Variants in SLC25A15 observed in about 807,000 individuals in gnomAD.
SLC25A15 encodes mitochondrial ornithine transporter 1.
SLC25A15 carries 24 observed loss-of-function variants against 32.3 expected under a neutral mutation model. The ratio of observed to expected loss-of-function variants is 0.74; its 90% CI spans 0.54 to 1.04. The LOEUF is 1.04. Ranked by LOEUF, SLC25A15 falls within the 50% of genes least tolerant of loss-of-function variation. The pLI, the probability that SLC25A15 is intolerant of heterozygous loss-of-function variation, is 0.00. For synonymous variants in SLC25A15, 132 were observed against 142.1 expected, an observed-to-expected ratio of 0.93 and a Z score of 0.51; for missense variants, 317 against 374.5, an observed-to-expected ratio of 0.85 and a Z score of 1.27.
At chr13:40,803,820 T>C (rs1031089725) in intron 3 of SLC25A15, among the ~76,000 whole-genome samples, 1 of 152,204 alleles carries the variant, frequency 6.6e-6, no homozygotes, top group African/African-American at 2.4e-5. Context: ...GGCAGTTACA[T>C]TGCACATCTG....
Position 40,789,682 on chromosome 13 carries a change from G to A in SLC25A15, c.-70+19G>A, listed in dbSNP as rs1881412304. The stretch of plus-strand genomic sequence containing the variant: ...CGCGGCGGTGAGCGCAGCCCGGTCT[G>A]GCGCCTGCAGCTGCGGGGAGCGCGC... On this transcript the variant is annotated intron_variant, in intron 1 of 6. Transcript: ENST00000338625. The A allele has an allele frequency of 6.6e-6, 1 of 151,430 alleles. No individual in the cohort carries two copies. The highest frequency in any genetic ancestry group is 2.4e-5 in the African/African-American group (1 of 41,348). 9.4% of individuals were successfully genotyped at this position (151,430 alleles called of 1,614,324 possible). A position where few individuals can be genotyped will look rare whatever the true frequency, so the allele number is the denominator to read the frequency against.
intron 1 of SLC25A15, among the ~76,000 whole-genome samples, chr13:40,792,724 C>T (rs1881554716): frequency 6.6e-6 from 1 of 152,218 alleles, no homozygotes; most frequent in Admixed American, 6.5e-5. Flanking sequence ...CCACCCTTGG[C>T]TGCCTGGGTG....
At position 40,810,713 on chromosome 13, in the gene SLC25A15, C is replaced by G. The variant is rs1469266526; in HGVS notation, c.*1046C>G. On this transcript the variant is annotated 3_prime_UTR_variant, in exon 7 of 7. Transcript: ENST00000338625. The stretch of plus-strand genomic sequence containing the variant: ...AGAGGGTCAGGCCTTTGGGAAATAG[C>G]ATGGCCTTTACCAGCTTCCCTTCTC... 2 of 533,212 alleles carry G rather than the reference C, an allele frequency of 3.8e-6. No individual in the cohort carries two copies. The highest frequency in any genetic ancestry group is 3.9e-5 in the African/African-American group (2 of 51,942). 33.0% of individuals were successfully genotyped at this position (533,212 alleles called of 1,614,324 possible).
chr13:40,808,932 CAAAAA>C (rs58015661), intron 6 of SLC25A15, among the ~76,000 whole-genome samples: 2 of 78,850 alleles, frequency 2.5e-5, no homozygotes, highest in East Asian at 3.1e-4. Flanking sequence ...GACTCTGTCT[CAAAAA>C]AAAAAAAAAA....
rs757347762 is a variant in SLC25A15 at position 40,808,495 on chromosome 13, T to C, written c.680T>C (p.Val227Ala). 3 of 1,613,484 alleles carry C rather than the reference T, an allele frequency of 1.9e-6. No homozygotes were observed. In the Admixed American group the frequency reaches 5.0e-5, roughly 27 times the overall value. Residue 227 changes from valine (V) to alanine (A), a missense_variant, in exon 6 of 7, where the codon GTA (valine) becomes GCA (alanine). Physicochemically the swap from Val to Ala is moderately conservative, Grantham distance 64. Transcript: ENST00000338625. ...GGTGGGATTTGCCTCTGGCTTGCGG[T>C]ATACCCAGTGGATTGTATCAAATCC... ...GVGGICLWLA[V>A]YPVDCIKSRI...
chr13:40,798,913 G>T, intron 2 of SLC25A15, 144 bp from the exon 3 acceptor site: 1 of 1,573,026 alleles, frequency 6.4e-7, no homozygotes, highest in Non-Finnish European at 8.6e-7. Flanking sequence ...ATTGTTTACT[G>T]GACATGGCTG....
intron 3 of SLC25A15, among the ~76,000 whole-genome samples, chr13:40,799,987 T>C (rs538543094): frequency 6.6e-6 from 1 of 152,232 alleles, no homozygotes; most frequent in Non-Finnish European, 1.5e-5. Flanking sequence ...CTTGGGTATT[T>C]ATTATATAGA....
chr13:40,807,509 TC>T (rs762064681), intron 5 of SLC25A15, 46 bp downstream of exon 5: 4 of 1,592,602 alleles, frequency 2.5e-6, no homozygotes, highest in Non-Finnish European at 3.4e-6. Flanking sequence ...TGGTGTTTGC[TC>T]CCTGCAGGTA....
intron 1 of SLC25A15, among the ~76,000 whole-genome samples, chr13:40,792,386 A>G (rs1035414494): frequency 1.3e-5 from 2 of 152,202 alleles, no homozygotes; most frequent in Admixed American, 6.5e-5. Flanking sequence ...GTCCAAGGCT[A>G]CTGAATCAGA....
Position 40,799,192 on chromosome 13 carries a change from A to T in SLC25A15, c.191A>T (p.Tyr64Phe), listed in dbSNP as rs769512206. ...TYSQVGFRGF[Y>F]KGTSPALIAN... ...TCCCAGGTGGGCTTCCGTGGCTTCT[A>T]CAAGGGTACCAGTCCAGCACTAATC... The change falls in exon 3 of 7, where the codon TAC becomes TTC. Residue 64 changes from tyrosine to phenylalanine, a missense_variant. Transcript: ENST00000338625. 6.2e-6 allele frequency: 10 copies of T among 1,614,096 alleles called. No individual in the cohort carries two copies. The highest frequency in any genetic ancestry group is 3.3e-5 in the Admixed American group (2 of 60,006).
In SLC25A15 at chr13:40,809,874, A is replaced by G; in HGVS notation, c.*207A>G. 1.7e-6 allele frequency: 1 copy of G among 581,864 alleles called. No homozygotes were observed. The highest frequency in any genetic ancestry group is 3.0e-6 in the Non-Finnish European group (1 of 328,250). The allele number at this position is 581,864 out of a possible 1,614,324, so 36.0% of individuals were successfully genotyped here. A position where few individuals can be genotyped will look rare whatever the true frequency, so the allele number is the denominator to read the frequency against. On this transcript the variant is annotated 3_prime_UTR_variant, in exon 7 of 7. Transcript: ENST00000338625. ...TCTGTCCATAATTGTACTGAAATAG[A>G]AAAGTGACCGCTCTTGCTCTTGGTA...
chr13:40,802,125 C>T (rs932890871), intron 3 of SLC25A15: 2 of 152,256 alleles, frequency 1.3e-5, no homozygotes, highest in Non-Finnish European at 2.9e-5. Flanking sequence ...TGACTATTGC[C>T]TGTCAACAGG....
At chr13:40,793,332 T>G in intron 2 of SLC25A15, 51 bp downstream of exon 2, 1 of 1,478,214 alleles carries the variant, frequency 6.8e-7, no homozygotes, top group Non-Finnish European at 9.4e-7. Flanking sequence ...GGATGGTGTA[T>G]CTGATGGTGG....
chr13:40,797,259 G>C (rs1881697136), intron 2 of SLC25A15, among the ~76,000 whole-genome samples: 2 of 152,172 alleles, frequency 1.3e-5, no homozygotes, highest in Admixed American at 1.3e-4. Context: ...AACTGTCCCA[G>C]CTACACAGCA....
chr13:40,793,119 G>A, intron 1 of SLC25A15, 39 bp from the exon 2 acceptor site: 4 of 1,117,402 alleles, frequency 3.6e-6, no homozygotes, highest in Admixed American at 3.8e-5. Context: ...ACAGGATGCT[G>A]CAGACTTGGA....
chr13:40,806,688 A>G (rs1008913117), intron 4 of SLC25A15, among the ~76,000 whole-genome samples: 1 of 152,200 alleles, frequency 6.6e-6, no homozygotes, highest in African/African-American at 2.4e-5. Flanking sequence ...GAACAAAGTG[A>G]GGAGAGAGGG....
Position 40,808,580 on chromosome 13 carries a change from T to C in SLC25A15, c.765T>C (p.Asn255=). The change falls in exon 6 of 7, where the codon AAT becomes AAC. Residue 255 remains asparagine (N), a synonymous_variant. Coordinates refer to ENST00000338625, the MANE Select transcript of SLC25A15 (RefSeq NM_014252.4). ...KQAGFIRTFI[N]VVKNEGITAL... is the part of the protein sequence containing the mutation. ...CAGGATTTATCAGAACCTTTATAAA[T>C]GTTGTGAAAAATGAAGGTGAGTAAA... The C allele has an allele frequency of 1.9e-6, 3 of 1,604,334 alleles. No homozygotes were observed. Among genetic ancestry groups the C allele is most frequent in the Non-Finnish European group, 2.5e-6 (3 of 1,179,566 alleles).
chr13:40,807,507 G>C (rs753799938), intron 5 of SLC25A15, 44 bp downstream of exon 5: 1 of 1,595,456 alleles, frequency 6.3e-7, no homozygotes, highest in Admixed American at 1.7e-5. Context: ...GATGGTGTTT[G>C]CTCCCTGCAG....
chr13:40,791,329 A>ATTTATTTATTTATTTAT (rs1555261845), intron 1 of SLC25A15, among the ~76,000 whole-genome samples: 1 of 139,092 alleles, frequency 7.2e-6, no homozygotes, highest in Non-Finnish European at 1.5e-5. Flanking sequence ...TTATTTATTT[A>ATTTATTTATTTATTTAT]TTTATTTTAT....
Sources: allele counts gnomAD v4.1 joint callset (sites outside exome capture counted in the v4.1 genomes callset), GRCh38; gene constraint gnomAD v4.1.1; transcripts MANE v1.5; gene names NCBI Gene and HGNC (gene_info 2026-07-23, HGNC 2026-07-21).